Variants in COL24A1 observed in about 807,000 individuals in gnomAD.
COL24A1 encodes the protein collagen type XXIV alpha 1 chain, also known as collagen alpha-1(XXIV) chain.
Under a neutral mutation model 253.9 loss-of-function variants are expected in COL24A1, and 224 were observed. That is an observed-to-expected ratio of 0.88 (90% CI 0.79 to 0.99). The LOEUF (loss-of-function observed/expected upper bound fraction) is 0.99, where lower values mean the gene tolerates loss of function less well. Among genes scored for constraint, COL24A1 ranks in the 50% least tolerant of loss-of-function variants. The pLI is 0.00. For synonymous variants in COL24A1, 685 were observed against 673.7 expected, an observed-to-expected ratio of 1.02 and a Z score of -0.26; for missense variants, 2,131 against 2,068.5, an observed-to-expected ratio of 1.03 and a Z score of -0.59.
intron 43 of COL24A1, among the ~76,000 whole-genome samples, chr1:85,824,450 T>C (rs1673998135): frequency 6.6e-6 from 1 of 152,196 alleles, no homozygotes; most frequent in Non-Finnish European, 1.5e-5. Context: ...AGTTTGAGAA[T>C]ACATTTCTTT....
chr1:86,135,733 C>T (rs1235908426), intron 2 of COL24A1, among the ~76,000 whole-genome samples: 1 of 151,904 alleles, frequency 6.6e-6, no homozygotes, highest in African/African-American at 2.4e-5. Context: ...TTCATTTCTG[C>T]CTTAGTATCT....
intron 31 of COL24A1, among the ~76,000 whole-genome samples, chr1:85,892,885 C>G (rs1321273153): frequency 6.6e-6 from 1 of 151,898 alleles, no homozygotes; most frequent in Non-Finnish European, 1.5e-5. Context: ...ATCCAACAGA[C>G]AGATTAAAAT....
chr1:85,898,356 T>C (rs1683961048), intron 28 of COL24A1, among the ~76,000 whole-genome samples: 1 of 152,190 alleles, frequency 6.6e-6, no homozygotes, highest in South Asian at 2.1e-4. Flanking sequence ...ACTCTTAGGG[T>C]AACTGCATTC....
intron 47 of COL24A1, among the ~76,000 whole-genome samples, chr1:85,791,883 G>A (rs7539262): frequency 0.38 from 57,674 of 151,738 alleles, 12,341 homozygotes; most frequent in Non-Finnish European, 0.49. Flanking sequence ...AAATTCTTAT[G>A]TATAGCACCC....
At chr1:86,059,017 T>C in intron 9 of COL24A1, 104 bp downstream of exon 9, 2 of 676,044 alleles carry the variant, frequency 3.0e-6, no homozygotes, top group Non-Finnish European at 4.7e-6. Flanking sequence ...GAGTTATTCA[T>C]TATTTAATAA....
intron 24 of COL24A1, among the ~76,000 whole-genome samples, chr1:85,945,018 T>TGTTTTG (rs1689167685): frequency 3.5e-5 from 3 of 86,838 alleles, no homozygotes; most frequent in Non-Finnish European, 4.6e-5. Flanking sequence ...TTTTTTTTTT[T>TGTTTTG]TTTTTTTTTT....
chr1:85,980,051 T>C (rs1693092326), intron 20 of COL24A1, among the ~76,000 whole-genome samples: 1 of 152,208 alleles, frequency 6.6e-6, no homozygotes, highest in South Asian at 2.1e-4. Flanking sequence ...TCAATAAATG[T>C]GATACATCAC....
chr1:86,146,002 T>C, intron 2 of COL24A1, 117 bp downstream of exon 2: 1 of 823,640 alleles, frequency 1.2e-6, no homozygotes. Flanking sequence ...CTGGGTGGAA[T>C]TTTTGTTATT....
intron 4 of COL24A1, among the ~76,000 whole-genome samples, chr1:86,114,578 G>C (rs750286721): frequency 6.6e-6 from 1 of 152,106 alleles, no homozygotes; most frequent in Non-Finnish European, 1.5e-5. Flanking sequence ...AAAACAGCTA[G>C]AGCCCAATGA....
At chr1:86,007,410 TTTA>T in intron 19 of COL24A1, among the ~76,000 whole-genome samples, 1 of 151,762 alleles carries the variant, frequency 6.6e-6, no homozygotes, top group African/African-American at 2.4e-5. Flanking sequence ...GAAGACGGAG[TTTA>T]TTACAAAACT....
intron 2 of COL24A1, among the ~76,000 whole-genome samples, chr1:86,127,127 A>C (rs1228668299): frequency 1.3e-5 from 2 of 152,062 alleles, no homozygotes; most frequent in East Asian, 3.9e-4. Flanking sequence ...TCCCGGACAA[A>C]AGAATTTAAA....
intron 10 of COL24A1, among the ~76,000 whole-genome samples, chr1:86,055,446 C>G (rs892641963): frequency 1.3e-5 from 2 of 151,858 alleles, no homozygotes; most frequent in African/African-American, 4.8e-5. Context: ...ATTTTCAATA[C>G]AAATGGGAAA....
At chr1:85,956,179 T>C (rs767966876) in intron 24 of COL24A1, among the ~76,000 whole-genome samples, 1 of 152,226 alleles carries the variant, frequency 6.6e-6, no homozygotes, top group Non-Finnish European at 1.5e-5. Flanking sequence ...TCCTCATTTA[T>C]AGAATGCAAT....
At chr1:85,973,067 A>G (rs753199576) in intron 20 of COL24A1, among the ~76,000 whole-genome samples, 138 of 152,310 alleles carry the variant, frequency 9.1e-4, no homozygotes, top group African/African-American at 1.4e-3. Context: ...ACTGCCTTCA[A>G]TATCTGAAAC....
At chr1:86,145,772 G>T (rs1194299416) in intron 2 of COL24A1, among the ~76,000 whole-genome samples, 1 of 151,830 alleles carries the variant, frequency 6.6e-6, no homozygotes, top group Non-Finnish European at 1.5e-5. Flanking sequence ...TGCTTTTGTT[G>T]TATCAAGAAG....
chr1:85,908,176 T>C (rs1685023256), intron 27 of COL24A1, among the ~76,000 whole-genome samples: 1 of 151,772 alleles, frequency 6.6e-6, no homozygotes, highest in South Asian at 2.1e-4. Flanking sequence ...AATGGAATAT[T>C]TTCAATACTA....
chr1:86,014,621 C>T (rs199789109), intron 19 of COL24A1, among the ~76,000 whole-genome samples: 1 of 49,692 alleles, frequency 2.0e-5, no homozygotes, highest in South Asian at 5.8e-4. Context: ...TCCTCCTTTT[C>T]CTATTTTCTA....
At chr1:85,910,034 A>G in intron 25 of COL24A1, 31 bp from the exon 26 acceptor site, 1 of 1,573,590 alleles carries the variant, frequency 6.4e-7, no homozygotes, top group Non-Finnish European at 8.7e-7. Flanking sequence ...AAAGAGTAAC[A>G]TAGAGGCATA....
intron 1 of COL24A1, chr1:86,154,752 G>T (rs1476407402): frequency 1.3e-5 from 2 of 152,880 alleles, no homozygotes; most frequent in African/African-American, 4.8e-5. Context: ...CGTGGGCCTC[G>T]CGCGGTGGCA....
Sources: allele counts gnomAD v4.1 joint callset (sites outside exome capture counted in the v4.1 genomes callset), GRCh38; gene constraint gnomAD v4.1.1; transcripts MANE v1.5; gene names NCBI Gene and HGNC (gene_info 2026-07-23, HGNC 2026-07-21).